The following PLPP4 variants were observed in gnomAD, a reference collection of about 807,000 sequenced individuals.
The protein encoded by PLPP4 is diacylglycerol pyrophosphate like 2.
Under a neutral mutation model 32.2 loss-of-function variants are expected in PLPP4, and 20 were observed. The observed-to-expected ratio is 0.62, with a 90% CI of 0.44 to 0.90. The LOEUF is 0.90. Among genes scored for constraint, PLPP4 ranks in the 40% least tolerant of loss-of-function variants. PLPP4 has a pLI of 0.00. For missense variants in PLPP4, 257 were observed against 353.1 expected, an observed-to-expected ratio of 0.73 and a Z score of 2.18; for synonymous variants, 127 against 133.0, an observed-to-expected ratio of 0.95 and a Z score of 0.31.
chr10:120,578,361 C>T (rs1382653696), intron 6 of PLPP4, among the ~76,000 whole-genome samples: 3 of 152,210 alleles, frequency 2.0e-5, no homozygotes, highest in Non-Finnish European at 4.4e-5. Flanking sequence ...AACTGAGCTG[C>T]CCAGTGACTG....
chr10:120,469,755 A>G (rs1438061495), intron 1 of PLPP4, among the ~76,000 whole-genome samples: 1 of 152,174 alleles, frequency 6.6e-6, no homozygotes, highest in Non-Finnish European at 1.5e-5. Context: ...TAATTAACAA[A>G]ACTACTGGAA....
At chr10:120,522,636 C>T (rs1165916685) in intron 5 of PLPP4, among the ~76,000 whole-genome samples, 1 of 152,108 alleles carries the variant, frequency 6.6e-6, no homozygotes, top group Non-Finnish European at 1.5e-5. Flanking sequence ...GAGTAGTTGC[C>T]TCCAAACAGA....
At chr10:120,574,196 T>TCC (rs1564850351) in intron 5 of PLPP4, among the ~76,000 whole-genome samples, 1 of 146,852 alleles carries the variant, frequency 6.8e-6, no homozygotes, top group Non-Finnish European at 1.5e-5. Flanking sequence ...TCTCTCTCTC[T>TCC]CTCTCTCTCT....
chr10:120,541,673 GA>G (rs1847346185), intron 5 of PLPP4, among the ~76,000 whole-genome samples: 1 of 152,142 alleles, frequency 6.6e-6, no homozygotes, highest in Admixed American at 6.5e-5. Flanking sequence ...ACCTGCTTCA[GA>G]AACTCCATGT....
intron 5 of PLPP4, among the ~76,000 whole-genome samples, chr10:120,559,005 G>A (rs1848295433): frequency 6.6e-6 from 1 of 152,136 alleles, no homozygotes; most frequent in African/African-American, 2.4e-5. Context: ...CCACAGTCTT[G>A]TCGGCACCTA....
chr10:120,507,736 T>G (rs1462886251), intron 2 of PLPP4, among the ~76,000 whole-genome samples: 2 of 151,940 alleles, frequency 1.3e-5, no homozygotes, highest in East Asian at 3.9e-4. Flanking sequence ...TTGTTTGGAG[T>G]ATCTATGCGT....
At chr10:120,531,895 CAT>C (rs1554889480) in intron 5 of PLPP4, among the ~76,000 whole-genome samples, 292 of 140,462 alleles carry the variant, frequency 2.1e-3, no homozygotes, top group African/African-American at 6.7e-3. Context: ...CACACACACA[CAT>C]ATATATATAT....
intron 1 of PLPP4, among the ~76,000 whole-genome samples, chr10:120,477,655 G>A (rs897708724): frequency 6.6e-5 from 10 of 152,190 alleles, no homozygotes; most frequent in South Asian, 2.1e-4. Context: ...ATTTCCTGGC[G>A]TGGCCTTGAG....
chr10:120,583,943 CCCT>C (rs1241754040), intron 6 of PLPP4, among the ~76,000 whole-genome samples: 1 of 152,148 alleles, frequency 6.6e-6, no homozygotes, highest in African/African-American at 2.4e-5. Context: ...AGAGCAGGTC[CCCT>C]GGTCCATGCT....
intron 1 of PLPP4, among the ~76,000 whole-genome samples, chr10:120,457,686 T>A (rs1369492635): frequency 6.6e-6 from 1 of 152,146 alleles, no homozygotes; most frequent in Admixed American, 6.5e-5. Context: ...ACGCGCACCC[T>A]GGCCCGTGCC....
chr10:120,543,947 C>T (rs1464963238), intron 5 of PLPP4, among the ~76,000 whole-genome samples: 2 of 152,176 alleles, frequency 1.3e-5, no homozygotes, highest in Non-Finnish European at 2.9e-5. Flanking sequence ...TCAGAATTTC[C>T]TCCCTTTTTA....
intron 1 of PLPP4, among the ~76,000 whole-genome samples, chr10:120,482,019 AG>A (rs1176589145): frequency 3.9e-5 from 6 of 152,158 alleles, no homozygotes; most frequent in Admixed American, 1.3e-4. Context: ...CATGATTGTG[AG>A]GCCTTCCCAG....
At chr10:120,586,106 A>AT (rs1269530553) in intron 6 of PLPP4, among the ~76,000 whole-genome samples, 3 of 128,770 alleles carry the variant, frequency 2.3e-5, no homozygotes, top group Non-Finnish European at 5.0e-5. Flanking sequence ...GATATGACCT[A>AT]TTTTTTTCTC....
At chr10:120,486,405 G>A (rs1025829901) in intron 1 of PLPP4, among the ~76,000 whole-genome samples, 2 of 152,086 alleles carry the variant, frequency 1.3e-5, no homozygotes, top group African/African-American at 4.8e-5. Flanking sequence ...GGGCTCTGGA[G>A]TCACTCAGGT....
chr10:120,503,556 T>C (rs1391518650), intron 1 of PLPP4: 5 of 1,605,736 alleles, frequency 3.1e-6, no homozygotes, highest in Non-Finnish European at 4.2e-6. Flanking sequence ...TTGGAGTCTT[T>C]GTACACACAA....
chr10:120,499,598 C>T (rs1845142780), intron 1 of PLPP4, among the ~76,000 whole-genome samples: 1 of 152,242 alleles, frequency 6.6e-6, no homozygotes, highest in African/African-American at 2.4e-5. Context: ...CATGATGCTG[C>T]TGCCCTGGCC....
In PLPP4 at chr10:120,468,496, AAT is replaced by A. The variant is rs1291265747; in HGVS notation, c.56+11137_56+11138del. Among the ~76,000 whole-genome samples, 2 of 65,756 alleles carry A rather than the reference AAT, an allele frequency of 3.0e-5. 1 individual carries two copies. Among genetic ancestry groups the A allele is most frequent in the African/African-American group, 6.5e-5 (2 of 30,892 alleles). The allele number at this position is 65,756 out of a possible 152,430, so 43.1% of individuals were successfully genotyped here. A position where few individuals can be genotyped will look rare whatever the true frequency, so the allele number is the denominator to read the frequency against. On this transcript the variant is annotated intron_variant, in intron 1 of 6. Transcript: ENST00000398250. Reference sequence around the variant, plus strand: ...TGCCTATATCTCTATAAAGATACATAATACAGTTTTAACGGTGGTTATTTTGT... The same window carrying A: ...TGCCTATATCTCTATAAAGATACATAACAGTTTTAACGGTGGTTATTTTGT...
intron 5 of PLPP4, among the ~76,000 whole-genome samples, chr10:120,549,716 A>G (rs1287444847): frequency 6.6e-6 from 1 of 151,970 alleles, no homozygotes; most frequent in Admixed American, 6.6e-5. Context: ...AGCCATTGCA[A>G]GTAAGCACAT....
intron 1 of PLPP4, among the ~76,000 whole-genome samples, chr10:120,485,204 A>G (rs991825387): frequency 6.6e-6 from 1 of 152,230 alleles, no homozygotes; most frequent in Non-Finnish European, 1.5e-5. Context: ...GCAGTAGGAA[A>G]CTTATACCAT....
Sources: gnomAD v4.1 joint callset for allele counts (sites outside exome capture counted in the v4.1 genomes callset) on GRCh38, gnomAD v4.1.1 for gene constraint, MANE v1.5 for transcripts, NCBI Gene and HGNC (gene_info 2026-07-23, HGNC 2026-07-21) for gene names.